Variants in NAV2 observed in about 807,000 individuals in gnomAD.
NAV2 encodes helicase, APC down-regulated 1.
NAV2 carries 54 observed loss-of-function variants against 223.2 expected under a neutral mutation model. The ratio of observed to expected loss-of-function variants is 0.24; its 90% confidence interval spans 0.19 to 0.30. NAV2 has a LOEUF of 0.30. Among genes scored for constraint, NAV2 ranks in the 10% least tolerant of loss-of-function variants. The pLI is 1.00. For synonymous variants in NAV2, 1,279 were observed against 1,239.3 expected (o/e 1.03, Z -0.67); for missense variants, 2,806 against 3,147.5 (o/e 0.89, Z 2.60).
At chr11:19,410,232 C>T (rs1165280133) in intron 1 of NAV2, among the ~76,000 whole-genome samples, 2 of 152,150 alleles carry the variant, frequency 1.3e-5, no homozygotes, top group East Asian at 1.9e-4. Context: ...TTTTGTTTCG[C>T]TTCCTCCTCT....
At chr11:20,011,834 C>T (rs754288242) in intron 11 of NAV2, among the ~76,000 whole-genome samples, 1 of 152,270 alleles carries the variant, frequency 6.6e-6, no homozygotes, top group Non-Finnish European at 1.5e-5. Flanking sequence ...GATTAACTGT[C>T]TTCCTACTGG....
chr11:19,823,458 T>C (rs2059486100), intron 1 of NAV2, among the ~76,000 whole-genome samples: 2 of 152,188 alleles, frequency 1.3e-5, no homozygotes, highest in African/African-American at 2.4e-5. Flanking sequence ...TCTGCCTACC[T>C]TGGCCTCCCA....
At chr11:20,038,808 G>C (rs7126504) in intron 12 of NAV2, among the ~76,000 whole-genome samples, 2 of 151,972 alleles carry the variant, frequency 1.3e-5, no homozygotes, top group Non-Finnish European at 2.9e-5. Flanking sequence ...GCCTGCCTAG[G>C]TTTTTGCTGT....
intron 1 of NAV2, among the ~76,000 whole-genome samples, chr11:19,515,912 C>T (rs1283597046): frequency 2.0e-5 from 3 of 152,172 alleles, no homozygotes; most frequent in Non-Finnish European, 4.4e-5. Flanking sequence ...GTGTTTCAGC[C>T]TGAGCAACTA....
chr11:19,803,407 A>G (rs1335714820), intron 1 of NAV2, among the ~76,000 whole-genome samples: 3 of 152,224 alleles, frequency 2.0e-5, no homozygotes, highest in Non-Finnish European at 4.4e-5. Flanking sequence ...GGGCCAAGAA[A>G]GCATTTGGCA....
chr11:19,691,612 G>A (rs1395661276), intron 1 of NAV2, among the ~76,000 whole-genome samples: 3 of 152,042 alleles, frequency 2.0e-5, no homozygotes, highest in Non-Finnish European at 4.4e-5. Context: ...CTGTGGCCCA[G>A]GCTGGAGTGC....
At chr11:19,452,932 A>C (rs1330103014) in intron 1 of NAV2, among the ~76,000 whole-genome samples, 3 of 152,248 alleles carry the variant, frequency 2.0e-5, no homozygotes, top group African/African-American at 7.2e-5. Flanking sequence ...AGCTTTTTAC[A>C]TGTATTAATC....
intron 36 of NAV2, among the ~76,000 whole-genome samples, chr11:20,111,768 T>G (rs985086593): frequency 1.3e-5 from 2 of 152,252 alleles, no homozygotes; most frequent in African/African-American, 4.8e-5. Context: ...TCTCTTGGCC[T>G]TGGGTTCTCC....
rs375194708 is a variant in NAV2 at position 19,368,730 on chromosome 11, A to G, written c.75+17703A>G. Among the ~76,000 whole-genome samples, 153 of 152,330 alleles carry G rather than the reference A, an allele frequency of 1.0e-3. 1 individual carries two copies. In the South Asian group the frequency reaches 0.011, roughly 11 times the overall value. The stretch of plus-strand genomic sequence containing the variant: ...GTTAAAAGTCAAAGTCACACAGCAA[A>G]TAAGTGATAGAGCATGTATTTGTTG... On this transcript the variant is annotated intron_variant, in intron 1 of 37. Transcript: ENST00000360655.
At chr11:19,903,437 G>A (rs1341918334) in intron 6 of NAV2, among the ~76,000 whole-genome samples, 2 of 152,132 alleles carry the variant, frequency 1.3e-5, no homozygotes, top group African/African-American at 4.8e-5. Flanking sequence ...CCCAAACTTT[G>A]TGGACAATGC....
intron 1 of NAV2, chr11:19,506,066 G>A (rs1218625005): frequency 2.0e-5 from 3 of 152,226 alleles, no homozygotes; most frequent in East Asian, 3.8e-4. Context: ...ATGGAGAGAG[G>A]AAGAAGGAAT....
At chr11:19,532,785 C>T (rs748482695) in intron 1 of NAV2, among the ~76,000 whole-genome samples, 2 of 152,140 alleles carry the variant, frequency 1.3e-5, no homozygotes, top group Admixed American at 6.5e-5. Flanking sequence ...TCTTATGACA[C>T]GAGGCAACTT....
chr11:19,387,624 A>G (rs1268620180), intron 1 of NAV2, among the ~76,000 whole-genome samples: 2 of 152,166 alleles, frequency 1.3e-5, no homozygotes, highest in African/African-American at 4.8e-5. Flanking sequence ...GCCAGGTCGC[A>G]GGCAGCACTG....
upstream of NAV2, among the ~76,000 whole-genome samples, chr11:19,345,888 G>A (rs1034125183): frequency 8.5e-5 from 13 of 152,146 alleles, no homozygotes; most frequent in African/African-American, 1.7e-4. The surrounding 1 kb of genome is among the most constrained non-coding windows in gnomAD (Gnocchi z 5.2). Flanking sequence ...CTGCGTGATT[G>A]TGTCTCTGGG....
rs1192331368 is a variant in NAV2 at position 19,939,864 on chromosome 11, GA to G, written c.2146+92del. The G allele has an allele frequency of 5.1e-6, 4 of 782,972 alleles. No homozygotes were observed. In the Admixed American group the frequency reaches 1.1e-4, roughly 21 times the overall value. 48.5% of individuals were successfully genotyped at this position (782,972 alleles called of 1,614,324 possible). A position where few individuals can be genotyped will look rare whatever the true frequency, so the allele number is the denominator to read the frequency against. The stretch of plus-strand genomic sequence containing the variant: ...AACAGCATGAACCCAGCTTGATTAC[GA>G]GTTGCATTATGTTTGCATTGACTTT... On this transcript the variant is annotated intron_variant, in intron 8 of 37. Transcript: ENST00000349880.
chr11:19,909,716 C>T (rs913465889), intron 6 of NAV2, among the ~76,000 whole-genome samples: 4 of 152,064 alleles, frequency 2.6e-5, no homozygotes, highest in African/African-American at 7.2e-5. Flanking sequence ...TCCCACTTCT[C>T]GGCTGCTCTT....
intron 1 of NAV2, among the ~76,000 whole-genome samples, chr11:19,727,406 G>A (rs2051343423): frequency 6.6e-6 from 1 of 152,216 alleles, no homozygotes; most frequent in Admixed American, 6.5e-5. Context: ...AAATCTTCCA[G>A]TTCTTGAGTC....
chr11:19,886,989 C>T lies in NAV2; in HGVS notation c.771-5445C>T, dbSNP rs553925337. On this transcript the variant is annotated intron_variant, in intron 5 of 37. Transcript: ENST00000349880. ...TCTTCCTTGCCTTCTCTACACCCCCCTTTCCCCACCCCCAGCCTTGAGCAG... is the reference window on the plus strand; with the variant it reads ...TCTTCCTTGCCTTCTCTACACCCCCTTTTCCCCACCCCCAGCCTTGAGCAG... Among the ~76,000 whole-genome samples, 44 of 152,226 alleles carry T rather than the reference C, an allele frequency of 2.9e-4. 1 individual carries two copies. The highest frequency in any genetic ancestry group is 1.0e-3 in the African/African-American group (42 of 41,538).
intron 1 of NAV2, among the ~76,000 whole-genome samples, chr11:19,668,802 G>A (rs141518783): frequency 3.5e-4 from 54 of 152,210 alleles, no homozygotes; most frequent in African/African-American, 1.1e-3. Context: ...CAAATCAGAA[G>A]TAAGGCCCCA....
Sources: allele counts gnomAD v4.1 joint callset (sites outside exome capture counted in the v4.1 genomes callset), GRCh38; gene constraint gnomAD v4.1.1; non-coding constraint Gnocchi (gnomAD v3.1); transcripts MANE v1.5; gene names NCBI Gene and HGNC (gene_info 2026-07-23, HGNC 2026-07-21).